USH2A: variants seen among roughly 807,000 people sequenced by gnomAD.
USH2A encodes Usher syndrome 2A (autosomal recessive, mild).
A neutral mutation model predicts 538.9 loss-of-function variants in USH2A; 443 were observed. The observed-to-expected ratio is 0.82, with a 90% CI of 0.76 to 0.89. USH2A has a LOEUF of 0.89. USH2A is among the 40% of genes least tolerant of loss of function. The probability of loss-of-function intolerance (pLI) is 0.00; values close to 1 mark genes in which losing one functional copy is unlikely to be tolerated. For synonymous variants in USH2A, 2,413 were observed against 2,273.5 expected, an observed-to-expected ratio of 1.06 and a Z score of -1.75; for missense variants, 6,633 against 6,324.8, an observed-to-expected ratio of 1.05 and a Z score of -1.65.
chr1:216,136,781 C>T (rs748763945), intron 21 of USH2A, among the ~76,000 whole-genome samples: 8 of 152,054 alleles, frequency 5.3e-5, no homozygotes, highest in East Asian at 1.9e-4. Context: ...CATGTGACAA[C>T]GAAGGCAGAG....
chr1:216,239,541 G>A lies in USH2A; in HGVS notation c.2809+7044C>T, dbSNP rs142664168. Among the ~76,000 whole-genome samples, 289 of 152,286 alleles carry A rather than the reference G, an allele frequency of 1.9e-3. 3 individuals carry two copies. The highest frequency in any genetic ancestry group is 6.6e-3 in the African/African-American group (276 of 41,554). On this transcript the variant is annotated intron_variant, in intron 13 of 71. Transcript: ENST00000307340. Reference sequence around the variant, plus strand: ...GGAAGAAATGATCTGAAGACTTGTGGAAATGAGGTCAGAGAGTTCATGGAC... The same window carrying A: ...GGAAGAAATGATCTGAAGACTTGTGAAAATGAGGTCAGAGAGTTCATGGAC...
chr1:215,744,814 G>A (rs980717274), intron 58 of USH2A, among the ~76,000 whole-genome samples: 4 of 152,158 alleles, frequency 2.6e-5, no homozygotes, highest in African/African-American at 7.2e-5. Flanking sequence ...GCTAGATTGC[G>A]TTAAATTTGG....
At chr1:216,043,814 G>A (rs1384326273) in intron 32 of USH2A, among the ~76,000 whole-genome samples, 2 of 152,076 alleles carry the variant, frequency 1.3e-5, no homozygotes, top group East Asian at 3.9e-4. Flanking sequence ...TTTGAGACCT[G>A]CCATTAGCTG....
intron 13 of USH2A, among the ~76,000 whole-genome samples, chr1:216,238,403 C>T (rs185571751): frequency 1.1e-3 from 162 of 152,198 alleles, no homozygotes; most frequent in African/African-American, 2.4e-3. Flanking sequence ...ATTATAAGGT[C>T]ATCCAGCACT....
chr1:215,820,085 T>C (rs1477200607), intron 47 of USH2A, among the ~76,000 whole-genome samples: 1 of 151,802 alleles, frequency 6.6e-6, no homozygotes, highest in Non-Finnish European at 1.5e-5. Context: ...TGGGCACTCA[T>C]GCATAAACAT....
rs1558312969 is a variant in USH2A, at chr1:216,199,864, C to T, written c.3574G>A (p.Gly1192Ser). 6.2e-7 allele frequency: 1 copy of T among 1,614,088 alleles called. No homozygotes were observed. Among genetic ancestry groups the T allele is most frequent in the East Asian group, 2.2e-5 (1 of 44,870 alleles). The change falls in exon 17 of 72, where the codon GGT (glycine) becomes AGT (serine). Residue 1192 changes from glycine (G) to serine (S), a missense_variant. Coordinates refer to ENST00000307340, the MANE Select transcript of USH2A (RefSeq NM_206933.4). ...CCTTCGTAGGAAACACATGGCTGACCACCAGCCAAAGGGGCACAGGACAAA... is the reference window on the plus strand; with the variant it reads ...CCTTCGTAGGAAACACATGGCTGACTACCAGCCAAAGGGGCACAGGACAAA... ...YILSCAPLAG[G>S]QPCVSYEGHE... is the part of the protein sequence containing the mutation.
At chr1:215,932,341 T>C (rs1666386425) in intron 38 of USH2A, among the ~76,000 whole-genome samples, 3 of 152,130 alleles carry the variant, frequency 2.0e-5, no homozygotes, top group South Asian at 4.1e-4. Context: ...GCATGGAAGA[T>C]TTCTTTAATA....
At chr1:215,658,216 A>G (rs536600032) in intron 64 of USH2A, among the ~76,000 whole-genome samples, 1 of 151,888 alleles carries the variant, frequency 6.6e-6, no homozygotes, top group East Asian at 1.9e-4. Context: ...ACTTTTAACA[A>G]TAAAACTAAA....
chr1:216,083,285 A>G (rs1336850103), intron 26 of USH2A, 171 bp downstream of exon 26: 1 of 619,996 alleles, frequency 1.6e-6, no homozygotes, highest in Admixed American at 3.5e-5. Flanking sequence ...TAGGATAATA[A>G]AATACAAAAT....
chr1:216,310,229 T>G (rs2102635995), intron 9 of USH2A, among the ~76,000 whole-genome samples: 1 of 152,232 alleles, frequency 6.6e-6, no homozygotes, highest in African/African-American at 2.4e-5. Flanking sequence ...CTATATACTT[T>G]TTACCTTTTG....
chr1:216,067,987 C>G (rs907484966), intron 30 of USH2A, among the ~76,000 whole-genome samples: 1 of 152,104 alleles, frequency 6.6e-6, no homozygotes, highest in Non-Finnish European at 1.5e-5. Context: ...TTTTGTCACA[C>G]TTTAGAAGAA....
chr1:216,180,408 T>A (rs939555561), intron 20 of USH2A, among the ~76,000 whole-genome samples: 11 of 152,276 alleles, frequency 7.2e-5, no homozygotes, highest in South Asian at 2.1e-4. Context: ...CTATTCGATG[T>A]ATAGATATTT....
intron 21 of USH2A, among the ~76,000 whole-genome samples, chr1:216,108,134 A>C (rs1245932130): frequency 1.3e-5 from 2 of 151,640 alleles, no homozygotes; most frequent in Non-Finnish European, 3.0e-5. Context: ...TTAGCCTAAA[A>C]CTTTTTTTAG....
chr1:216,146,420 C>T (rs2033705163), intron 21 of USH2A, among the ~76,000 whole-genome samples: 1 of 152,184 alleles, frequency 6.6e-6, no homozygotes, highest in Admixed American at 6.5e-5. Context: ...TTAATCATTG[C>T]AGGGACACCT....
intron 47 of USH2A, among the ~76,000 whole-genome samples, chr1:215,826,668 C>T (rs1663165000): frequency 6.6e-6 from 1 of 152,052 alleles, no homozygotes; most frequent in South Asian, 2.1e-4. Flanking sequence ...ATAAGATGTT[C>T]CTGTGGGGTA....
At chr1:215,791,375 G>A (rs1006995601) in intron 50 of USH2A, among the ~76,000 whole-genome samples, 1 of 151,986 alleles carries the variant, frequency 6.6e-6, no homozygotes, top group Non-Finnish European at 1.5e-5. Flanking sequence ...GTTTAATCTG[G>A]TCCTGTGTAA....
chr1:215,677,077 G>A (rs1292904272), intron 62 of USH2A, among the ~76,000 whole-genome samples: 1 of 152,038 alleles, frequency 6.6e-6, no homozygotes, highest in African/African-American at 2.4e-5. Context: ...TTGATTGATT[G>A]TTGACATAAC....
At chr1:216,389,456 A>G (rs1360999750) in intron 3 of USH2A, among the ~76,000 whole-genome samples, 1 of 152,206 alleles carries the variant, frequency 6.6e-6, no homozygotes, top group African/African-American at 2.4e-5. Context: ...AACTGCTTAT[A>G]TAGCATTTCT....
At chr1:216,255,327 C>T (rs1032527952) in intron 11 of USH2A, among the ~76,000 whole-genome samples, 13 of 152,160 alleles carry the variant, frequency 8.5e-5, no homozygotes, top group Non-Finnish European at 1.8e-4. Flanking sequence ...GAAGATATTT[C>T]TTTGAAATCT....
Sources: gnomAD v4.1 joint callset for allele counts (sites outside exome capture counted in the v4.1 genomes callset) on GRCh38, gnomAD v4.1.1 for gene constraint, MANE v1.5 for transcripts, NCBI Gene and HGNC (gene_info 2026-07-23, HGNC 2026-07-21) for gene names.